The following TRMT11 variants were observed in gnomAD, a reference collection of about 807,000 sequenced individuals.
TRMT11 encodes the protein tRNA methyltransferase 11.
Under a neutral mutation model 62.8 loss-of-function variants are expected in TRMT11, and 53 were observed. That is an observed-to-expected ratio of 0.84 (90% confidence interval 0.68 to 1.06). The LOEUF (loss-of-function observed/expected upper bound fraction) is 1.06. TRMT11 is among the 50% of genes least tolerant of loss of function. The pLI, the probability that TRMT11 is intolerant of heterozygous loss-of-function variation, is 0.00. For synonymous variants in TRMT11, 188 were observed against 190.3 expected, an observed-to-expected ratio of 0.99 and a Z score of 0.10; for missense variants, 556 against 553.4, an observed-to-expected ratio of 1.00 and a Z score of -0.05.
chr6:126,186,189 G>A (rs1778525921), intron 1 of TRMT11, among the ~76,000 whole-genome samples: 1 of 152,140 alleles, frequency 6.6e-6, no homozygotes, highest in Admixed American at 6.5e-5. Context: ...ACATAATATA[G>A]GCAGCTTACT....
chr6:126,209,365 C>T, the TRMT11 span, among the ~76,000 whole-genome samples: 2 of 152,108 alleles, frequency 1.3e-5, no homozygotes, highest in Non-Finnish European at 2.9e-5. Flanking sequence ...TGATAAACTT[C>T]TCAGGCCATA....
the TRMT11 span, among the ~76,000 whole-genome samples, chr6:126,236,165 A>G: frequency 6.6e-6 from 1 of 152,236 alleles, no homozygotes; most frequent in African/African-American, 2.4e-5. Flanking sequence ...AGTATTTGAC[A>G]TTGTATAGGA....
chr6:126,141,029 G>A (rs1777911102), intron 21 of TRMT11, among the ~76,000 whole-genome samples: 2 of 151,966 alleles, frequency 1.3e-5, no homozygotes, highest in South Asian at 4.1e-4. Flanking sequence ...GACTCTACTG[G>A]TCTTCATACA....
At chr6:126,189,840 G>C (rs941548716) in intron 1 of TRMT11, among the ~76,000 whole-genome samples, 1 of 151,824 alleles carries the variant, frequency 6.6e-6, no homozygotes, top group African/African-American at 2.4e-5. Flanking sequence ...TTTTTAAAAA[G>C]TTATTTATTT....
intron 7 of TRMT11, among the ~76,000 whole-genome samples, chr6:126,006,357 C>T (rs991994999): frequency 6.6e-6 from 1 of 151,852 alleles, no homozygotes; most frequent in Non-Finnish European, 1.5e-5. Flanking sequence ...CAAAGCTTTC[C>T]AGTTAGTTCT....
chr6:126,176,929 T>G (rs1282678151), upstream of TRMT11, among the ~76,000 whole-genome samples: 2 of 152,038 alleles, frequency 1.3e-5, no homozygotes, highest in Non-Finnish European at 2.9e-5. Context: ...CTTCATTCAC[T>G]CATCCAGGTT....
chr6:126,256,348 T>C, the TRMT11 span, among the ~76,000 whole-genome samples: 1 of 152,018 alleles, frequency 6.6e-6, no homozygotes, highest in East Asian at 1.9e-4. Flanking sequence ...ACCAATGGAG[T>C]CTGCATTTTC....
chr6:126,024,008 T>G (rs1796196836), intron 12 of TRMT11, among the ~76,000 whole-genome samples: 1 of 152,236 alleles, frequency 6.6e-6, no homozygotes. Context: ...AAAAAGTAAT[T>G]GCAATCTAGG....
At chr6:126,134,037 A>C (rs1775438974) in intron 21 of TRMT11, among the ~76,000 whole-genome samples, 1 of 151,946 alleles carries the variant, frequency 6.6e-6, no homozygotes, top group South Asian at 2.1e-4. Context: ...CAATTAGAGA[A>C]GGTAAGAGCA....
intron 16 of TRMT11, among the ~76,000 whole-genome samples, chr6:126,045,601 G>GT (rs1021080621): frequency 8.5e-5 from 13 of 152,300 alleles, no homozygotes; most frequent in Non-Finnish European, 1.8e-4. Flanking sequence ...ATGGTTCCTT[G>GT]TTTTTTGCTA....
chr6:126,154,345 G>A (rs1477085167), intron 21 of TRMT11, among the ~76,000 whole-genome samples: 1 of 151,722 alleles, frequency 6.6e-6, no homozygotes, highest in African/African-American at 2.4e-5. Context: ...GTGTATGTGT[G>A]TGTGTGTGTG....
At chr6:126,176,173 T>C (rs1778382552), upstream of TRMT11, among the ~76,000 whole-genome samples, 1 of 152,194 alleles carries the variant, frequency 6.6e-6, no homozygotes, top group African/African-American at 2.4e-5. Flanking sequence ...TGATGAAGTT[T>C]GGATTAAGCT....
At chr6:126,133,820 A>C (rs1226185132) in intron 21 of TRMT11, among the ~76,000 whole-genome samples, 3 of 151,950 alleles carry the variant, frequency 2.0e-5, no homozygotes, top group Admixed American at 6.6e-5. Flanking sequence ...CATTTTAGAG[A>C]GAAGTTGAGC....
chr6:126,240,236 G>C, the TRMT11 span, among the ~76,000 whole-genome samples: 4 of 152,170 alleles, frequency 2.6e-5, no homozygotes, highest in Admixed American at 6.5e-5. Flanking sequence ...ATCCAGCTTT[G>C]TTCCGTTGCT....
At chr6:125,994,424 C>G (rs947118568) in intron 2 of TRMT11, among the ~76,000 whole-genome samples, 2 of 151,530 alleles carry the variant, frequency 1.3e-5, no homozygotes, top group African/African-American at 4.9e-5. Flanking sequence ...GCCTTTATCT[C>G]TAACATAGCT....
At position 126,089,176 on chromosome 6, in the gene TRMT11, C is replaced by T. The variant is rs1015052320; in HGVS notation, c.*1438-23690C>T. The stretch of plus-strand genomic sequence containing the variant: ...TCACCCAGGCTGGAGTGCAGTGGCG[C>T]GATCTTGGCTCACTGCAACTTCCAT... On this transcript the variant is annotated intron_variant and NMD_transcript_variant, in intron 17 of 22. Transcript: ENST00000648977. 8.6e-5 allele frequency among the ~76,000 whole-genome samples: 13 copies of T among 151,302 alleles called. No homozygotes were observed. The East Asian group carries it at 1.2e-3, about 14-fold the overall frequency.
the TRMT11 span, among the ~76,000 whole-genome samples, chr6:126,266,591 T>C: frequency 6.6e-6 from 1 of 152,186 alleles, no homozygotes; most frequent in African/African-American, 2.4e-5. Context: ...GGGTTCCTTT[T>C]TATAAAAGCT....
At chr6:126,049,912 G>A (rs907433362) in intron 16 of TRMT11, among the ~76,000 whole-genome samples, 1 of 152,198 alleles carries the variant, frequency 6.6e-6, no homozygotes, top group Admixed American at 6.5e-5. Flanking sequence ...GTCAAGTTCA[G>A]AAGATGATAG....
At chr6:126,222,335 T>G in the TRMT11 span, among the ~76,000 whole-genome samples, 1 of 152,180 alleles carries the variant, frequency 6.6e-6, no homozygotes, top group Non-Finnish European at 1.5e-5. Flanking sequence ...AGTTTTTTTT[T>G]CTAAATTCTG....
Sources: gnomAD v4.1 joint callset for allele counts (sites outside exome capture counted in the v4.1 genomes callset) on GRCh38, gnomAD v4.1.1 for gene constraint, MANE v1.5 for transcripts, NCBI Gene and HGNC (gene_info 2026-07-23, HGNC 2026-07-21) for gene names.